NCK2: variants seen among roughly 807,000 people sequenced by gnomAD.
NCK2 encodes the protein cytoplasmic protein NCK2.
NCK2 carries 16 observed loss-of-function variants against 33.9 expected under a neutral mutation model. The observed-to-expected ratio is 0.47, with a 90% CI of 0.32 to 0.72. NCK2 has a LOEUF of 0.72. Among genes scored for constraint, NCK2 ranks in the 30% least tolerant of loss-of-function variants. The pLI is 0.03. For synonymous variants in NCK2, 273 were observed against 239.9 expected (o/e 1.14, Z -1.27); for missense variants, 418 against 537.3 (o/e 0.78, Z 2.19).
At chr2:105,769,378 C>T (rs1207968935) in intron 1 of NCK2, among the ~76,000 whole-genome samples, 2 of 149,238 alleles carry the variant, frequency 1.3e-5, no homozygotes, top group African/African-American at 2.5e-5. Context: ...TACCCTGGGT[C>T]TGACGAATCA....
At chr2:105,848,477 A>T (rs1398743634) in intron 2 of NCK2, 1 of 152,218 alleles carries the variant, frequency 6.6e-6, no homozygotes, top group Admixed American at 6.5e-5. Context: ...CCAAAATAAC[A>T]TACTGAGCAA....
At chr2:105,881,295 C>T (rs1301623336) in intron 3 of NCK2, 33 bp from the exon 4 acceptor site, 4 of 1,551,200 alleles carry the variant, frequency 2.6e-6, no homozygotes, top group Admixed American at 1.8e-5. Flanking sequence ...GCCCAAGTGC[C>T]CTGCGCCACT....
rs777513074 is a variant in NCK2 at position 105,882,057 on chromosome 2, C to G, written c.948+8C>G. The G allele has an allele frequency of 4.0e-6, 6 of 1,491,084 alleles. No homozygotes were observed. The highest frequency in any genetic ancestry group is 5.4e-6 in the Non-Finnish European group (6 of 1,120,396). 92.4% of individuals were successfully genotyped at this position (1,491,084 alleles called of 1,614,324 possible). On this transcript the variant is annotated splice_region_variant and intron_variant, in intron 4 of 4. Coordinates refer to ENST00000233154, the MANE Select transcript of NCK2 (RefSeq NM_003581.5). The stretch of plus-strand genomic sequence containing the variant: ...AGGGACAGCGAGTCCTCGGTAAGTG[C>G]GCTGCGCCCACAGCTCCGGCTGCAG...
intron 2 of NCK2, among the ~76,000 whole-genome samples, chr2:105,844,351 G>C (rs1470252840): frequency 6.6e-6 from 1 of 152,264 alleles, no homozygotes; most frequent in East Asian, 1.9e-4. Context: ...GTTAATGTAT[G>C]GGTAGTGGTT....
intron 3 of NCK2, among the ~76,000 whole-genome samples, chr2:105,856,204 T>A (rs1008328472): frequency 2.1e-4 from 32 of 152,226 alleles, no homozygotes; most frequent in African/African-American, 7.5e-4. Context: ...TACACAAAGT[T>A]AACAGTATCC....
intron 2 of NCK2, among the ~76,000 whole-genome samples, chr2:105,834,310 T>C (rs997990159): frequency 1.3e-5 from 2 of 152,258 alleles, no homozygotes; most frequent in Admixed American, 1.3e-4. Flanking sequence ...CTTATATATG[T>C]GGGTGCCCTG....
chr2:105,779,742 C>A (rs1690426329), intron 1 of NCK2, among the ~76,000 whole-genome samples: 1 of 152,010 alleles, frequency 6.6e-6, no homozygotes, highest in Non-Finnish European at 1.5e-5. Flanking sequence ...CTTGGTCAGA[C>A]CATGATTTAA....
chr2:105,868,898 G>T (rs989086055), intron 3 of NCK2, among the ~76,000 whole-genome samples: 3 of 152,240 alleles, frequency 2.0e-5, no homozygotes, highest in African/African-American at 7.2e-5. Flanking sequence ...CTGCCTCACA[G>T]CAAGGCCAGG....
intron 1 of NCK2, among the ~76,000 whole-genome samples, chr2:105,755,373 T>G (rs1689570922): frequency 6.6e-6 from 1 of 151,380 alleles, no homozygotes; most frequent in East Asian, 1.9e-4. Context: ...TGATCACCTA[T>G]AGATTAGGTG....
intron 4 of NCK2, among the ~76,000 whole-genome samples, chr2:105,892,519 C>T (rs1679028979): frequency 6.7e-6 from 1 of 150,316 alleles, no homozygotes; most frequent in Non-Finnish European, 1.5e-5. Flanking sequence ...TCTTTCTGAA[C>T]ATCAGATGCC....
chr2:105,885,897 CT>C (rs1033359650), intron 4 of NCK2, among the ~76,000 whole-genome samples: 3 of 151,582 alleles, frequency 2.0e-5, no homozygotes, highest in African/African-American at 7.3e-5. Context: ...TTTTGGGGGG[CT>C]TTTTTGTGTT....
chr2:105,767,916 C>T (rs914475891), intron 1 of NCK2, among the ~76,000 whole-genome samples: 1 of 152,108 alleles, frequency 6.6e-6, no homozygotes, highest in African/African-American at 2.4e-5. Context: ...CTCACATCCC[C>T]GGCTCTCATC....
rs764192536 is a variant in NCK2 at position 105,881,402 on chromosome 2, G to C, written c.301G>C (p.Ala101Pro). The C allele has an allele frequency of 6.2e-7, 1 of 1,612,268 alleles. No homozygotes were observed. The highest frequency in any genetic ancestry group is 1.7e-5 in the Admixed American group (1 of 60,018). ...GCCCAGCACGGACGCCGAGTACCCC[G>C]CCAATGGCAGCGGCGCCGACCGCAT... ...PTPSTDAEYP[A>P]NGSGADRIYD... is the part of the protein sequence containing the mutation. The change falls in exon 4 of 5, where the codon GCC becomes CCC. Residue 101 changes from alanine to proline, a missense_variant. Transcript: ENST00000233154.
At chr2:105,810,528 C>T (rs1044075446) in intron 1 of NCK2, among the ~76,000 whole-genome samples, 4 of 152,198 alleles carry the variant, frequency 2.6e-5, no homozygotes, top group African/African-American at 7.2e-5. Context: ...CTGGTGTTGT[C>T]ACTACCTAGA....
intron 3 of NCK2, among the ~76,000 whole-genome samples, chr2:105,873,407 C>T (rs901574210): frequency 6.6e-6 from 1 of 152,174 alleles, no homozygotes; most frequent in Non-Finnish European, 1.5e-5. Context: ...ACAGGTTTCT[C>T]ATTATTACTC....
chr2:105,784,280 T>C (rs910485285), intron 1 of NCK2, among the ~76,000 whole-genome samples: 3 of 152,162 alleles, frequency 2.0e-5, no homozygotes, highest in African/African-American at 7.2e-5. Context: ...TTATTTCTAA[T>C]AGGAAGTTGC....
intron 2 of NCK2, among the ~76,000 whole-genome samples, chr2:105,840,539 CT>C (rs1404216826): frequency 6.6e-6 from 1 of 152,200 alleles, no homozygotes; most frequent in Non-Finnish European, 1.5e-5. Context: ...AGCTCTGACA[CT>C]GTTGACCTGG....
chr2:105,764,747 T>G (rs1013650731), intron 1 of NCK2, among the ~76,000 whole-genome samples: 3 of 152,226 alleles, frequency 2.0e-5, no homozygotes, highest in African/African-American at 4.8e-5. Context: ...CTTCCTGTAA[T>G]CTCACCATCC....
intron 1 of NCK2, among the ~76,000 whole-genome samples, chr2:105,807,351 TTTGA>T (rs1675087546): frequency 6.6e-6 from 1 of 152,240 alleles, no homozygotes; most frequent in Non-Finnish European, 1.5e-5. Context: ...AGGTTTCTGA[TTTGA>T]TTAATTCTGG....
Sources: gnomAD v4.1 joint callset for allele counts (sites outside exome capture counted in the v4.1 genomes callset) on GRCh38, gnomAD v4.1.1 for gene constraint, MANE v1.5 for transcripts, NCBI Gene and HGNC (gene_info 2026-07-23, HGNC 2026-07-21) for gene names.